The following PRKG1 variants were observed in gnomAD, a reference collection of about 807,000 sequenced individuals.
PRKG1 encodes the protein cGMP-dependent protein kinase 1.
Under a neutral mutation model 88.1 loss-of-function variants are expected in PRKG1, and 35 were observed. That is an observed-to-expected ratio of 0.40 (90% confidence interval 0.30 to 0.53). The LOEUF (loss-of-function observed/expected upper bound fraction) is 0.53. Among genes scored for constraint, PRKG1 ranks in the 20% least tolerant of loss-of-function variants. The probability of loss-of-function intolerance (pLI) is 0.59; values close to 1 mark genes in which losing one functional copy is unlikely to be tolerated. For missense variants in PRKG1, 540 were observed against 839.8 expected (o/e 0.64, Z 4.41); for synonymous variants, 303 against 292.5 (o/e 1.04, Z -0.37).
At chr10:51,557,758 C>A (rs1837351398) in intron 3 of PRKG1, among the ~76,000 whole-genome samples, 1 of 151,956 alleles carries the variant, frequency 6.6e-6, no homozygotes, top group African/African-American at 2.4e-5. Context: ...ACCTTAAGAC[C>A]ATGCCTCAGA....
At chr10:51,966,756 T>C (rs1191408022) in intron 5 of PRKG1, among the ~76,000 whole-genome samples, 1 of 152,174 alleles carries the variant, frequency 6.6e-6, no homozygotes, top group Non-Finnish European at 1.5e-5. Flanking sequence ...ACTTTCACTC[T>C]CCTTTAGAAG....
intron 1 of PRKG1, among the ~76,000 whole-genome samples, chr10:51,017,113 C>A (rs1843077686): frequency 6.6e-6 from 1 of 151,994 alleles, no homozygotes; most frequent in African/African-American, 2.4e-5. Flanking sequence ...CTAAATTATT[C>A]TTTCTGCTGT....
chr10:51,430,472 C>T (rs1016887779), intron 2 of PRKG1, among the ~76,000 whole-genome samples: 1 of 152,060 alleles, frequency 6.6e-6, no homozygotes, highest in African/African-American at 2.4e-5. Flanking sequence ...TTGTTAGAGA[C>T]AGTGGGTGAA....
intron 2 of PRKG1, among the ~76,000 whole-genome samples, chr10:51,430,614 G>C (rs1838734258): frequency 6.6e-6 from 1 of 152,030 alleles, no homozygotes; most frequent in South Asian, 2.1e-4. Context: ...ATATCTACAT[G>C]AAATAAAAAC....
intron 3 of PRKG1, among the ~76,000 whole-genome samples, chr10:51,532,163 T>A (rs1239687347): frequency 6.6e-6 from 1 of 152,172 alleles, no homozygotes. Context: ...GGAGAGCTTT[T>A]TCAACTGGTT....
chr10:52,238,916 C>T (rs1487801305), intron 9 of PRKG1, among the ~76,000 whole-genome samples: 3 of 140,698 alleles, frequency 2.1e-5, no homozygotes, highest in Non-Finnish European at 4.6e-5. Flanking sequence ...GACTTGGAAC[C>T]AACCCAAATG....
intron 3 of PRKG1, among the ~76,000 whole-genome samples, chr10:51,690,926 CAAAA>C (rs942329676): frequency 1.6e-4 from 6 of 37,726 alleles, no homozygotes; most frequent in Admixed American, 6.9e-4. Flanking sequence ...GACTCTGTCT[CAAAA>C]AAAAAAAAAA....
intron 9 of PRKG1, among the ~76,000 whole-genome samples, chr10:52,241,401 A>G (rs765550944): frequency 7.2e-5 from 11 of 152,170 alleles, no homozygotes; most frequent in Non-Finnish European, 1.3e-4. Flanking sequence ...GACATGTCCA[A>G]TGCAAACCCT....
chr10:51,845,974 C>G (rs369717800), intron 4 of PRKG1, among the ~76,000 whole-genome samples: 1 of 152,108 alleles, frequency 6.6e-6, no homozygotes, highest in East Asian at 1.9e-4. Flanking sequence ...TGTGGATTTA[C>G]TATTGTTTTT....
At chr10:51,281,589 A>G (rs867518820) in intron 2 of PRKG1, among the ~76,000 whole-genome samples, 10 of 152,152 alleles carry the variant, frequency 6.6e-5, no homozygotes, top group Admixed American at 2.6e-4. Context: ...CTGCAGCTCA[A>G]GGAGGCCTGC....
At chr10:51,987,922 A>C (rs1168661523) in intron 5 of PRKG1, among the ~76,000 whole-genome samples, 1 of 152,114 alleles carries the variant, frequency 6.6e-6, no homozygotes, top group African/African-American at 2.4e-5. Flanking sequence ...AAATAATATA[A>C]AAACACTAAT....
chr10:51,599,048 A>G (rs11596256), intron 3 of PRKG1, among the ~76,000 whole-genome samples: 48,332 of 152,066 alleles, frequency 0.32, 8,987 homozygotes, highest in Non-Finnish European at 0.42. Flanking sequence ...TGAGATGATA[A>G]GCTGGATAAA....
At chr10:51,505,648 AG>A (rs1263478792) in intron 3 of PRKG1, among the ~76,000 whole-genome samples, 4 of 151,992 alleles carry the variant, frequency 2.6e-5, no homozygotes, top group South Asian at 2.1e-4. Flanking sequence ...TCAATTTCAG[AG>A]CCTGTTATTG....
At chr10:51,428,392 T>C (rs987533675) in intron 2 of PRKG1, among the ~76,000 whole-genome samples, 1 of 152,152 alleles carries the variant, frequency 6.6e-6, no homozygotes, top group Non-Finnish European at 1.5e-5. Context: ...ATTTATGGCT[T>C]CACTAAATCT....
intron 4 of PRKG1, among the ~76,000 whole-genome samples, chr10:51,816,410 T>TA (rs1196380200): frequency 6.6e-6 from 1 of 152,152 alleles, no homozygotes; most frequent in East Asian, 1.9e-4. Flanking sequence ...TTTTATAGAA[T>TA]AAAAAAAGTA....
chr10:51,618,305 A>C (rs751106866), intron 3 of PRKG1, among the ~76,000 whole-genome samples: 7 of 152,178 alleles, frequency 4.6e-5, no homozygotes, highest in Non-Finnish European at 1.0e-4. Flanking sequence ...TGGTCCAGAA[A>C]ATTATATATG....
intron 2 of PRKG1, among the ~76,000 whole-genome samples, chr10:51,154,372 G>T (rs1589199308): frequency 1.3e-5 from 2 of 151,856 alleles, no homozygotes; most frequent in East Asian, 3.9e-4. Context: ...GTGGGTAAAG[G>T]CCAGGCATAC....
At chr10:51,082,449 A>G (rs774993614) in intron 1 of PRKG1, among the ~76,000 whole-genome samples, 1 of 152,192 alleles carries the variant, frequency 6.6e-6, no homozygotes, top group Admixed American at 6.5e-5. Flanking sequence ...CAATTCCTAG[A>G]TTGTACCACA....
chr10:51,273,088 G>A (rs1169291469), intron 2 of PRKG1, among the ~76,000 whole-genome samples: 1 of 152,126 alleles, frequency 6.6e-6, no homozygotes, highest in Non-Finnish European at 1.5e-5. Context: ...AAGTGCCCTT[G>A]CCTCTGCATC....
Sources: gnomAD v4.1 joint callset for allele counts (sites outside exome capture counted in the v4.1 genomes callset) on GRCh38, gnomAD v4.1.1 for gene constraint, MANE v1.5 for transcripts, NCBI Gene and HGNC (gene_info 2026-07-23, HGNC 2026-07-21) for gene names.